AGAP1: variants seen among roughly 807,000 people sequenced by gnomAD.
AGAP1 encodes ArfGAP with GTPase domain, ankyrin repeat and PH domain 1.
Under a neutral mutation model 105.3 loss-of-function variants are expected in AGAP1, and 29 were observed. The ratio of observed to expected loss-of-function variants is 0.28; its 90% CI spans 0.21 to 0.38. The LOEUF (loss-of-function observed/expected upper bound fraction) is 0.38, where lower values mean the gene tolerates loss of function less well. AGAP1 is among the 10% of genes least tolerant of loss of function. AGAP1 has a pLI of 1.00. For synonymous variants in AGAP1, 509 were observed against 485.9 expected, an observed-to-expected ratio of 1.05 and a Z score of -0.63; for missense variants, 998 against 1,165.1, an observed-to-expected ratio of 0.86 and a Z score of 2.09.
chr2:235,937,939 C>G (rs1194245323), intron 12 of AGAP1, among the ~76,000 whole-genome samples: 1 of 152,252 alleles, frequency 6.6e-6, no homozygotes, highest in Non-Finnish European at 1.5e-5. Context: ...CCCCTTCCAG[C>G]TGCGGTTGCT....
At position 235,843,792 on chromosome 2, in the gene AGAP1, G is replaced by A. The variant is rs1467016646; in HGVS notation, c.1050+36461G>A. Reference sequence around the variant, plus strand: ...ATGTCAGTGGACAGCATAGAGCTGGGGTGCCAGTGGCCACCATCGGGAGTC... The same window carrying A: ...ATGTCAGTGGACAGCATAGAGCTGGAGTGCCAGTGGCCACCATCGGGAGTC... On this transcript the variant is annotated intron_variant, in intron 9 of 17. Transcript: ENST00000304032. This position sits in a 1 kb window ranked among gnomAD's most constrained non-coding sequence, Gnocchi z 5.9. 9.2e-5 allele frequency among the ~76,000 whole-genome samples: 14 copies of A among 152,158 alleles called. No homozygotes were observed. Among genetic ancestry groups the A allele is most frequent in the Admixed American group, 9.2e-4 (14 of 15,276 alleles).
chr2:236,029,018 A>G (rs2057140022), intron 13 of AGAP1, among the ~76,000 whole-genome samples: 1 of 152,030 alleles, frequency 6.6e-6, no homozygotes, highest in Non-Finnish European at 1.5e-5. Context: ...TAATTTACTT[A>G]CCAACATGTG....
rs575124088 is a variant in AGAP1, at chr2:235,551,824, T to C, written c.163+56975T>C. ...TCCTGAAGGCGTAGAAAGAGGGTCCTCTGGAGAACACAAACTGAGCGTTGC... is the reference window on the plus strand; with the variant it reads ...TCCTGAAGGCGTAGAAAGAGGGTCCCCTGGAGAACACAAACTGAGCGTTGC... On this transcript the variant is annotated intron_variant, in intron 1 of 17. Transcript: ENST00000304032. This position sits in a 1 kb window ranked among gnomAD's most constrained non-coding sequence, Gnocchi z 4.8. Among the ~76,000 whole-genome samples, 1 of 152,318 alleles carries C rather than the reference T, an allele frequency of 6.6e-6. No individual in the cohort carries two copies. The highest frequency in any genetic ancestry group is 1.5e-5 in the Non-Finnish European group (1 of 68,026).
rs1159793815 is a variant in AGAP1, at chr2:235,659,414, A to C, written c.164-49765A>C. Reference sequence around the variant, plus strand: ...AAGCATTGGCTTTGGTGCACTGGGAAGGGGCGTCAGCTGGGCAGGCTGAGC... The same window carrying C: ...AAGCATTGGCTTTGGTGCACTGGGACGGGGCGTCAGCTGGGCAGGCTGAGC... On this transcript the variant is annotated intron_variant, in intron 1 of 17. Transcript: ENST00000304032. This position sits in a 1 kb window ranked among gnomAD's most constrained non-coding sequence, Gnocchi z 5.0. Among the ~76,000 whole-genome samples, 2 of 152,224 alleles carry C rather than the reference A, an allele frequency of 1.3e-5. No homozygotes were observed. Among genetic ancestry groups the C allele is most frequent in the African/African-American group, 4.8e-5 (2 of 41,450 alleles).
chr2:235,939,269 C>T (rs73996637), intron 12 of AGAP1, among the ~76,000 whole-genome samples: 2,694 of 152,112 alleles, frequency 0.018, 83 homozygotes, highest in African/African-American at 0.062. Flanking sequence ...AACTGGGGAA[C>T]GTCCCCACTT....
In AGAP1 at chr2:235,550,154, G is replaced by A. The variant is rs1043016762; in HGVS notation, c.163+55305G>A. Among the ~76,000 whole-genome samples the A allele has an allele frequency of 1.6e-4, 25 of 152,206 alleles. No individual in the cohort carries two copies. Among genetic ancestry groups the A allele is most frequent in the Admixed American group, 1.4e-3 (22 of 15,288 alleles). ...GGGCAGAACCATCATCCTGCGTGCA[G>A]CCTGCACACTCCCAGCACCCGTGGC... On this transcript the variant is annotated intron_variant, in intron 1 of 17. Transcript: ENST00000304032. This position sits in a 1 kb window ranked among gnomAD's most constrained non-coding sequence, Gnocchi z 4.6.
intron 9 of AGAP1, among the ~76,000 whole-genome samples, chr2:235,836,192 G>A (rs778594107): frequency 2.6e-5 from 4 of 152,186 alleles, no homozygotes; most frequent in East Asian, 3.8e-4. Context: ...CAGGTCTAAA[G>A]CCCTTTAGCC....
rs959425293 is a variant in AGAP1, at chr2:235,970,679, C to T, written c.1645+2056C>T. Among the ~76,000 whole-genome samples, 1 of 152,216 alleles carries T rather than the reference C, an allele frequency of 6.6e-6. No homozygotes were observed. ...AGATACACGTTCATTATCCCACCCA[C>T]GTGTTGACCGCTGTGTAAATGAGTG... On this transcript the variant is annotated intron_variant, in intron 13 of 17. Coordinates refer to ENST00000304032, the MANE Select transcript of AGAP1 (RefSeq NM_001037131.3). The surrounding 1 kb of genome is among the most constrained non-coding windows in gnomAD (Gnocchi z 5.4).
intron 1 of AGAP1, among the ~76,000 whole-genome samples, chr2:235,581,842 T>C (rs899002283): frequency 1.3e-5 from 2 of 152,068 alleles, no homozygotes; most frequent in African/African-American, 4.8e-5. Context: ...AAGGTTACCA[T>C]GGAGATCCTG....
At chr2:235,568,200 C>T (rs774600245) in intron 1 of AGAP1, among the ~76,000 whole-genome samples, 1 of 152,152 alleles carries the variant, frequency 6.6e-6, no homozygotes, top group Non-Finnish European at 1.5e-5. Context: ...GATCGAGGCC[C>T]ACATGGAGGT....
At position 235,877,048 on chromosome 2, in the gene AGAP1, A is replaced by G. The variant is rs926802604; in HGVS notation, c.1051-6297A>G. Among the ~76,000 whole-genome samples, 11 of 151,748 alleles carry G rather than the reference A, an allele frequency of 7.2e-5. No homozygotes were observed. In the East Asian group the frequency reaches 2.1e-3, roughly 30 times the overall value. On this transcript the variant is annotated intron_variant, in intron 9 of 17. Transcript: ENST00000304032. This position sits in a 1 kb window ranked among gnomAD's most constrained non-coding sequence, Gnocchi z 4.3. ...TTTTTAGTAGAGTTGGGGCTTCACC[A>G]TTTGGTCAGGCTGGTCTCAAACTCC...
Position 235,752,231 on chromosome 2 carries a change from G to A in AGAP1, c.673+1743G>A, listed in dbSNP as rs1258365006. On this transcript the variant is annotated intron_variant, in intron 6 of 17. Coordinates refer to ENST00000304032, the MANE Select transcript of AGAP1 (RefSeq NM_001037131.3). The surrounding 1 kb of genome is among the most constrained non-coding windows in gnomAD (Gnocchi z 4.3). Reference sequence around the variant, plus strand: ...TCTAGCTCTTTGCCCAGGCTGGAGTGCAATGGCGTGATGGCAGCTCACTGC... The same window carrying A: ...TCTAGCTCTTTGCCCAGGCTGGAGTACAATGGCGTGATGGCAGCTCACTGC... 6.6e-6 allele frequency among the ~76,000 whole-genome samples: 1 copy of A among 152,168 alleles called. No homozygotes were observed. Among genetic ancestry groups the A allele is most frequent in the Non-Finnish European group, 1.5e-5 (1 of 68,034 alleles).
chr2:235,520,877 G>T (rs150773509), intron 1 of AGAP1, among the ~76,000 whole-genome samples: 86 of 152,226 alleles, frequency 5.6e-4, no homozygotes, highest in African/African-American at 1.9e-3. Context: ...AAGCTGTTAT[G>T]GATGCTCCAG....
chr2:235,678,796 G>C (rs957534396), intron 1 of AGAP1, among the ~76,000 whole-genome samples: 1 of 152,050 alleles, frequency 6.6e-6, no homozygotes, highest in African/African-American at 2.4e-5. Context: ...CGTAGTAAGA[G>C]TTCTGCCTGT....
intron 11 of AGAP1, among the ~76,000 whole-genome samples, chr2:235,924,773 G>A (rs1200872879): frequency 2.0e-5 from 3 of 152,192 alleles, no homozygotes; most frequent in Admixed American, 1.3e-4. Context: ...ATAAGAGCAC[G>A]TAAGCAAGCC....
rs746247743 is a variant in AGAP1, at chr2:235,717,633, A to C, written c.299A>C (p.Glu100Ala). Residue 100 changes from glutamate to alanine, a missense_variant, in exon 3 of 18, where the codon GAG becomes GCG. Glu to Ala is a moderately radical substitution (Grantham distance 107). This residue lies in a region of AGAP1 where 735 missense variants were observed against 833.4 expected (regional missense o/e 0.88). Coordinates refer to ENST00000304032, the MANE Select transcript of AGAP1 (RefSeq NM_001037131.3). ...CTGACGGGCACATATGTCCAGGAGGAGTCTCCGGAAGGTATGCTGTTTGGC... is the reference window on the plus strand; with the variant it reads ...CTGACGGGCACATATGTCCAGGAGGCGTCTCCGGAAGGTATGCTGTTTGGC... ...RYLTGTYVQE[E>A]SPEGGRFKKE... is the part of the protein sequence containing the mutation. The C allele has an allele frequency of 5.6e-6, 9 of 1,600,928 alleles. No individual in the cohort carries two copies. The highest frequency in any genetic ancestry group is 2.3e-5 in the East Asian group (1 of 44,306).
chr2:235,714,997 C>T lies in AGAP1; in HGVS notation c.223-2560C>T, dbSNP rs1011769122. On this transcript the variant is annotated intron_variant, in intron 2 of 17. Transcript: ENST00000304032. This position sits in a 1 kb window ranked among gnomAD's most constrained non-coding sequence, Gnocchi z 4.1. ...TAGTTTTAGTAGAGATGGGATTTCACCGTGTTAGCCAGGATGGTCTCGATC... is the reference window on the plus strand; with the variant it reads ...TAGTTTTAGTAGAGATGGGATTTCATCGTGTTAGCCAGGATGGTCTCGATC... Among the ~76,000 whole-genome samples the T allele has an allele frequency of 3.9e-5, 6 of 152,102 alleles. No homozygotes were observed. The highest frequency in any genetic ancestry group is 8.8e-5 in the Non-Finnish European group (6 of 68,028).
chr2:236,073,428 T>C lies in AGAP1; in HGVS notation c.2114+24147T>C, dbSNP rs2058557130. 6.6e-6 allele frequency among the ~76,000 whole-genome samples: 1 copy of C among 152,150 alleles called. No individual in the cohort carries two copies. The highest frequency in any genetic ancestry group is 2.1e-4 in the South Asian group (1 of 4,830). On this transcript the variant is annotated intron_variant, in intron 16 of 17. Coordinates refer to ENST00000304032, the MANE Select transcript of AGAP1 (RefSeq NM_001037131.3). This position sits in a 1 kb window ranked among gnomAD's most constrained non-coding sequence, Gnocchi z 5.4. The stretch of plus-strand genomic sequence containing the variant: ...CATGTTTGGCAATCATGGGTCTAGA[T>C]AGCTTATCAGGACAGGAGTTACATT...
intron 1 of AGAP1, among the ~76,000 whole-genome samples, chr2:235,536,528 T>A (rs1943235544): frequency 8.8e-6 from 1 of 114,076 alleles, no homozygotes; most frequent in African/African-American, 3.5e-5. Context: ...TGTGGCATCC[T>A]ACACACATAC....
Sources: allele counts gnomAD v4.1 joint callset (sites outside exome capture counted in the v4.1 genomes callset), GRCh38; gene constraint gnomAD v4.1.1; regional missense constraint gnomAD v4.1.1; non-coding constraint Gnocchi (gnomAD v3.1); transcripts MANE v1.5; gene names NCBI Gene and HGNC (gene_info 2026-07-23, HGNC 2026-07-21).